VPS54: variants seen among roughly 807,000 people sequenced by gnomAD.
VPS54 encodes the protein VPS54 subunit of GARP complex.
Under a neutral mutation model 121.5 loss-of-function variants are expected in VPS54, and 45 were observed. The observed-to-expected ratio is 0.37, with a 90% CI of 0.29 to 0.47. The LOEUF is 0.47. Among genes scored for constraint, VPS54 ranks in the 20% least tolerant of loss-of-function variants. The pLI is 0.99. For synonymous variants in VPS54, 371 were observed against 385.8 expected, an observed-to-expected ratio of 0.96 and a Z score of 0.45; for missense variants, 1,090 against 1,131.4, an observed-to-expected ratio of 0.96 and a Z score of 0.52.
chr2:63,971,903 G>A (rs1676300475), intron 4 of VPS54, among the ~76,000 whole-genome samples: 1 of 152,088 alleles, frequency 6.6e-6, no homozygotes. Flanking sequence ...ATCATGTCTA[G>A]CTTACTCATC....
rs778598752 is a variant in VPS54, at chr2:63,919,889, AT to A, written c.2157del (p.Lys719AsnfsTer30). ...SDGKIALPEKKSGATEERKPA... is the reference protein window; with the variant it reads ...SDGKIALPEKXSGATEERKPA... ...TGTGAATGAATACACATACCTCCTG[AT>A]TTTTTTTCAGGTAAAGCAATCTTCC... On this transcript the variant is annotated frameshift_variant, in exon 15 of 23. Coordinates refer to ENST00000272322, the MANE Select transcript of VPS54 (RefSeq NM_016516.3). LOFTEE classifies it high-confidence loss of function. 7 of 1,607,748 alleles carry A rather than the reference AT, an allele frequency of 4.4e-6. No individual in the cohort carries two copies. Among genetic ancestry groups the A allele is most frequent in the South Asian group, 2.2e-5 (2 of 90,256 alleles).
intron 7 of VPS54, among the ~76,000 whole-genome samples, chr2:63,953,494 TG>T (rs1675353646): frequency 2.0e-5 from 3 of 152,208 alleles, no homozygotes; most frequent in African/African-American, 4.8e-5. Context: ...TATGGCCCTT[TG>T]AAGGGTCAAA....
chr2:63,948,476 A>G (rs964023163), intron 8 of VPS54, among the ~76,000 whole-genome samples: 6 of 143,474 alleles, frequency 4.2e-5, no homozygotes, highest in African/African-American at 1.6e-4. Context: ...GCTCACTAAC[A>G]GCCTCAAACT....
chr2:64,008,305 T>A (rs898427370), intron 1 of VPS54, among the ~76,000 whole-genome samples: 7 of 151,598 alleles, frequency 4.6e-5, no homozygotes, highest in Non-Finnish European at 1.0e-4. Flanking sequence ...TCCCAGCTAC[T>A]CAGAAGGTTG....
intron 22 of VPS54, 38 bp downstream of exon 22, chr2:63,897,458 G>C (rs376667901): frequency 7.5e-7 from 1 of 1,341,016 alleles, no homozygotes. Context: ...AAAACAATTC[G>C]ATATGGGAGT....
chr2:64,012,083 C>T (rs1042329682), intron 1 of VPS54, among the ~76,000 whole-genome samples: 1 of 152,132 alleles, frequency 6.6e-6, no homozygotes, highest in Non-Finnish European at 1.5e-5. Flanking sequence ...CACTCCTTGG[C>T]ATTACCCTTG....
chr2:64,016,437 A>T lies in VPS54; in HGVS notation c.-21+2501T>A, dbSNP rs1245223629. Among the ~76,000 whole-genome samples, 12 of 152,174 alleles carry T rather than the reference A, an allele frequency of 7.9e-5. 1 individual carries two copies. Among genetic ancestry groups the T allele is most frequent in the Admixed American group, 7.2e-4 (11 of 15,280 alleles). ...TTATATGAAAGGCCCACATTAGGCC[A>T]ATATTGAGACAGAAAGTAGACTAGT... On this transcript the variant is annotated intron_variant, in intron 1 of 22. Coordinates refer to ENST00000272322, the MANE Select transcript of VPS54 (RefSeq NM_016516.3).
intron 1 of VPS54, among the ~76,000 whole-genome samples, chr2:64,003,980 A>G (rs1370716070): frequency 2.6e-5 from 4 of 152,186 alleles, no homozygotes; most frequent in Admixed American, 6.5e-5. Flanking sequence ...TACAGAAAGA[A>G]TAAGTCTACC....
At chr2:63,907,970 C>G (rs1158854566) in intron 20 of VPS54, among the ~76,000 whole-genome samples, 1 of 152,010 alleles carries the variant, frequency 6.6e-6, no homozygotes, top group Non-Finnish European at 1.5e-5. Context: ...CAAAATGATG[C>G]GTTTTAGAAA....
intron 1 of VPS54, among the ~76,000 whole-genome samples, chr2:63,996,472 T>C (rs1410093973): frequency 2.0e-5 from 3 of 152,072 alleles, no homozygotes; most frequent in East Asian, 1.9e-4. Context: ...GTTCGAACAA[T>C]ATGAAATCTG....
intron 5 of VPS54, among the ~76,000 whole-genome samples, chr2:63,967,381 C>A (rs184149683): frequency 3.9e-5 from 6 of 152,102 alleles, no homozygotes; most frequent in Admixed American, 1.3e-4. Context: ...ATTAAAGAGA[C>A]CCCAATCTCA....
At chr2:63,984,485 A>C (rs934353498) in intron 1 of VPS54, among the ~76,000 whole-genome samples, 1 of 152,236 alleles carries the variant, frequency 6.6e-6, no homozygotes, top group African/African-American at 2.4e-5. Context: ...TTATCTCATC[A>C]ACATCCTGTT....
intron 7 of VPS54, among the ~76,000 whole-genome samples, chr2:63,958,647 C>G (rs1675609436): frequency 6.6e-6 from 1 of 152,118 alleles, no homozygotes; most frequent in South Asian, 2.1e-4. Context: ...CCTAGGAGTT[C>G]AAGGCTATAG....
chr2:63,963,031 A>T (rs947889004), intron 6 of VPS54, among the ~76,000 whole-genome samples: 2 of 152,108 alleles, frequency 1.3e-5, no homozygotes, highest in Non-Finnish European at 2.9e-5. Context: ...TGACTGAAAA[A>T]CTGAAGCTGT....
rs560192008 is a variant in VPS54, at chr2:63,894,779, T to C, written c.2829-1244A>G. Among the ~76,000 whole-genome samples the C allele has an allele frequency of 9.9e-5, 15 of 151,498 alleles. No individual in the cohort carries two copies. The South Asian group carries it at 3.1e-3, about 32-fold the overall frequency. On this transcript the variant is annotated intron_variant, in intron 22 of 22. Transcript: ENST00000272322. Reference sequence around the variant, plus strand: ...ACTACTAAACATATATCAACATAGATAAATCAGTAAAAATGCCTAGTAGAA... The same window carrying C: ...ACTACTAAACATATATCAACATAGACAAATCAGTAAAAATGCCTAGTAGAA...
At chr2:63,996,535 T>C (rs2104659949) in intron 1 of VPS54, among the ~76,000 whole-genome samples, 1 of 152,290 alleles carries the variant, frequency 6.6e-6, no homozygotes, top group South Asian at 2.1e-4. Flanking sequence ...ACAAGGGAGA[T>C]AACCATTAGG....
intron 22 of VPS54, among the ~76,000 whole-genome samples, chr2:63,895,040 T>C (rs1302889213): frequency 6.6e-6 from 1 of 152,154 alleles, no homozygotes; most frequent in Non-Finnish European, 1.5e-5. Flanking sequence ...ACAATAAATA[T>C]TTTTTTCAAG....
In VPS54 at chr2:63,920,562, G is replaced by T; in HGVS notation, c.1935C>A (p.Phe645Leu). 1 of 1,574,524 alleles carries T rather than the reference G, an allele frequency of 6.4e-7. No homozygotes were observed. Among genetic ancestry groups the T allele is most frequent in the South Asian group, 1.2e-5 (1 of 85,884 alleles). Residue 645 changes from phenylalanine to leucine, a missense_variant, in exon 14 of 23, where the codon TTC (phenylalanine) becomes TTA (leucine). Physicochemically the swap from Phe to Leu is conservative, Grantham distance 22. This residue lies in a region of VPS54 where 801 missense variants were observed against 757.0 expected (regional missense o/e 1.06). Coordinates refer to ENST00000272322, the MANE Select transcript of VPS54 (RefSeq NM_016516.3). Reference sequence around the variant, plus strand: ...CACAGATCTGTTCGGTGTCTAAAATGAATGTTTCCATTAATCTAGAAAGTG... The same window carrying T: ...CACAGATCTGTTCGGTGTCTAAAATTAATGTTTCCATTAATCTAGAAAGTG... ...FITLSRLMET[F>L]ILDTEQICGR...
At chr2:63,987,206 T>C (rs1420953478) in intron 1 of VPS54, among the ~76,000 whole-genome samples, 1 of 152,240 alleles carries the variant, frequency 6.6e-6, no homozygotes, top group African/African-American at 2.4e-5. Flanking sequence ...TTTGAAGTCT[T>C]AGATTTAAGT....
Sources: gnomAD v4.1 joint callset for allele counts (sites outside exome capture counted in the v4.1 genomes callset) on GRCh38, gnomAD v4.1.1 for gene constraint, gnomAD v4.1.1 regional missense constraint, MANE v1.5 for transcripts, NCBI Gene and HGNC (gene_info 2026-07-23, HGNC 2026-07-21) for gene names.